Variants in BIRC6 observed in about 807,000 individuals in gnomAD.
The protein encoded by BIRC6 is baculoviral IAP repeat containing 6.
A neutral mutation model predicts 503.3 loss-of-function variants in BIRC6; 98 were observed. That is an observed-to-expected ratio of 0.19 (90% CI 0.17 to 0.23). The LOEUF (loss-of-function observed/expected upper bound fraction) is 0.23. Among genes scored for constraint, BIRC6 ranks in the 10% least tolerant of loss-of-function variants. The probability of loss-of-function intolerance (pLI) is 1.00; values close to 1 mark genes in which losing one functional copy is unlikely to be tolerated. For synonymous variants in BIRC6, 2,240 were observed against 2,078.7 expected, an observed-to-expected ratio of 1.08 and a Z score of -2.11; for missense variants, 5,360 against 5,806.0, an observed-to-expected ratio of 0.92 and a Z score of 2.50.
intron 53 of BIRC6, among the ~76,000 whole-genome samples, chr2:32,511,459 AC>A (rs1258852896): frequency 7.3e-6 from 1 of 136,804 alleles, no homozygotes; most frequent in Non-Finnish European, 1.6e-5. Flanking sequence ...ACAGGCGACC[AC>A]CACTATAACT....
At chr2:32,601,401 G>A (rs544927283) in intron 70 of BIRC6, among the ~76,000 whole-genome samples, 47 of 152,282 alleles carry the variant, frequency 3.1e-4, no homozygotes, top group Non-Finnish European at 5.3e-4. Context: ...GACCAACATG[G>A]AGAAACCCCG....
chr2:32,429,865 C>T (rs13385821), intron 11 of BIRC6, among the ~76,000 whole-genome samples: 4,691 of 152,100 alleles, frequency 0.031, 103 homozygotes, highest in South Asian at 0.074. Context: ...ACCAAGGTGT[C>T]TTGGTTAAGT....
chr2:32,573,079 C>G (rs1190384103), intron 65 of BIRC6, among the ~76,000 whole-genome samples: 1 of 152,186 alleles, frequency 6.6e-6, no homozygotes, highest in Non-Finnish European at 1.5e-5. Context: ...TTACTAGCTT[C>G]TGAAAAGAAT....
rs370529825 is a variant in BIRC6 at position 32,430,805 on chromosome 2, CTTTTTTTTT to C, written c.3023-47_3023-39del. On this transcript the variant is annotated intron_variant, in intron 11 of 73. Coordinates refer to ENST00000421745, the MANE Select transcript of BIRC6 (RefSeq NM_016252.4). ...AATTAAAACTTCACTTCATTGTCTT[CTTTTTTTTT>C]TTTTTTTTTTTTCCACACCTATTTC... 28 of 484,792 alleles carry C rather than the reference CTTTTTTTTT, an allele frequency of 5.8e-5. 1 individual carries two copies. Among genetic ancestry groups the C allele is most frequent in the Middle Eastern group, 6.4e-4 (1 of 1,574 alleles). 30.0% of individuals were successfully genotyped at this position (484,792 alleles called of 1,614,324 possible).
chr2:32,373,763 A>G (rs1197233969), intron 1 of BIRC6, among the ~76,000 whole-genome samples: 1 of 152,348 alleles, frequency 6.6e-6, no homozygotes, highest in African/African-American at 2.4e-5. Flanking sequence ...AATTGAAAGC[A>G]GGGAATCAAG....
In BIRC6 at chr2:32,618,203, G is replaced by T; in HGVS notation, c.*299G>T. 1.5e-5 allele frequency: 3 copies of T among 202,272 alleles called. No homozygotes were observed. The highest frequency in any genetic ancestry group is 2.0e-5 in the Non-Finnish European group (2 of 102,102). 12.5% of individuals were successfully genotyped at this position (202,272 alleles called of 1,614,324 possible). On this transcript the variant is annotated 3_prime_UTR_variant, in exon 74 of 74. Transcript: ENST00000421745. ...AAGGGAAACTACCTTAGGAAAGAAT[G>T]TTTACTGAATGTTTATTTTATTTTA...
intron 1 of BIRC6, among the ~76,000 whole-genome samples, chr2:32,365,871 A>T (rs528698895): frequency 0.012 from 1,895 of 151,648 alleles, 27 homozygotes; most frequent in Non-Finnish European, 0.016. Context: ...TTTATTTTTT[A>T]ATTTAATTTA....
At chr2:32,382,830 T>A (rs923598559) in intron 3 of BIRC6, among the ~76,000 whole-genome samples, 13 of 151,916 alleles carry the variant, frequency 8.6e-5, no homozygotes, top group African/African-American at 1.2e-4. Flanking sequence ...TTCAAGCAGT[T>A]CTCCTGCCTC....
chr2:32,388,250 G>A (rs916508908), intron 3 of BIRC6, among the ~76,000 whole-genome samples: 4 of 151,716 alleles, frequency 2.6e-5, no homozygotes, highest in Admixed American at 6.6e-5. Flanking sequence ...GGATGGTGGC[G>A]CATGCCTGTA....
chr2:32,566,441 C>T (rs2059538810), intron 65 of BIRC6: 1 of 152,190 alleles, frequency 6.6e-6, no homozygotes, highest in African/African-American at 2.4e-5. Context: ...CAGCCTCGAC[C>T]TCCTGGACTC....
chr2:32,543,677 C>A lies in BIRC6; in HGVS notation c.12592+136C>A, dbSNP rs546431493. Reference sequence around the variant, plus strand: ...ATGATTTGTAAGTGGTAGCTCACTTCCAGTATTAGTTATACATAATAAATC... The same window carrying A: ...ATGATTTGTAAGTGGTAGCTCACTTACAGTATTAGTTATACATAATAAATC... On this transcript the variant is annotated intron_variant, in intron 62 of 73. Transcript: ENST00000421745. The A allele has an allele frequency of 5.6e-5, 44 of 784,742 alleles. No individual in the cohort carries two copies. The East Asian group carries it at 9.4e-4, about 17-fold the overall frequency. The allele number at this position is 784,742 out of a possible 1,614,324, so 48.6% of individuals were successfully genotyped here.
chr2:32,609,176 G>A (rs1052941458), intron 72 of BIRC6, among the ~76,000 whole-genome samples: 4 of 152,044 alleles, frequency 2.6e-5, no homozygotes, highest in Non-Finnish European at 4.4e-5. Flanking sequence ...GAGCCACTGC[G>A]CCTGGCCACG....
At position 32,479,446 on chromosome 2, in the gene BIRC6, A is replaced by C. The variant is rs140899908; in HGVS notation, c.7253-16A>C. 6.3e-7 allele frequency: 1 copy of C among 1,584,114 alleles called. No individual in the cohort carries two copies. Among genetic ancestry groups the C allele is most frequent in the East Asian group, 2.3e-5 (1 of 43,760 alleles). On this transcript the variant is annotated splice_polypyrimidine_tract_variant and intron_variant, in intron 36 of 73. Transcript: ENST00000421745. ...CTGTATAAATTATTAAAACAGGACT[A>C]TCCCCTTACATACAGGAGAATTACT... is the stretch of plus-strand genomic sequence containing the variant.
intron 10 of BIRC6, 26 bp downstream of exon 10, chr2:32,416,189 T>G: frequency 6.5e-7 from 1 of 1,535,754 alleles, no homozygotes; most frequent in Non-Finnish European, 8.8e-7. Flanking sequence ...ATGCTATAAA[T>G]CTTATAAAAT....
chr2:32,455,121 G>A (rs1222495014), intron 23 of BIRC6, among the ~76,000 whole-genome samples: 2 of 152,090 alleles, frequency 1.3e-5, no homozygotes, highest in Non-Finnish European at 2.9e-5. Flanking sequence ...GCTCATGCCT[G>A]TAATCCCAGC....
intron 35 of BIRC6, among the ~76,000 whole-genome samples, chr2:32,478,235 G>T (rs1267429900): frequency 6.6e-6 from 1 of 152,056 alleles, no homozygotes; most frequent in East Asian, 1.9e-4. Context: ...TACTCGGGAG[G>T]CTGAGGCAGG....
chr2:32,612,980 G>C (rs911569878), intron 73 of BIRC6, among the ~76,000 whole-genome samples: 11 of 152,074 alleles, frequency 7.2e-5, no homozygotes, highest in Admixed American at 5.9e-4. Flanking sequence ...ACCTTATGCA[G>C]TTTGACTTCT....
intron 65 of BIRC6, among the ~76,000 whole-genome samples, chr2:32,566,730 A>G (rs192531309): frequency 7.2e-4 from 110 of 152,266 alleles, no homozygotes; most frequent in African/African-American, 2.5e-3. Flanking sequence ...TATTGAGACT[A>G]TCATCTCTGT....
chr2:32,416,430 G>C (rs2042379529), intron 10 of BIRC6, among the ~76,000 whole-genome samples: 1 of 151,654 alleles, frequency 6.6e-6, no homozygotes, highest in South Asian at 2.1e-4. Context: ...TTTTATTTCA[G>C]TGAGTCCCTG....
Sources: gnomAD v4.1 joint callset for allele counts (sites outside exome capture counted in the v4.1 genomes callset) on GRCh38, gnomAD v4.1.1 for gene constraint, MANE v1.5 for transcripts, NCBI Gene and HGNC (gene_info 2026-07-23, HGNC 2026-07-21) for gene names.